Variants in SENP1 observed in about 807,000 individuals in gnomAD.
The protein encoded by SENP1 is SUMO specific peptidase 1.
SENP1 carries 21 observed loss-of-function variants against 93.0 expected under a neutral mutation model. The observed-to-expected ratio is 0.23, with a 90% CI of 0.16 to 0.33. SENP1 has a LOEUF of 0.33. SENP1 is among the 10% of genes least tolerant of loss of function. The probability of loss-of-function intolerance (pLI) is 1.00; values close to 1 mark genes in which losing one functional copy is unlikely to be tolerated. For missense variants in SENP1, 591 were observed against 758.7 expected (o/e 0.78, Z 2.60); for synonymous variants, 256 against 259.6 (o/e 0.99, Z 0.13).
intron 4 of SENP1, among the ~76,000 whole-genome samples, chr12:48,091,237 G>A (rs796647764): frequency 5.3e-5 from 8 of 152,200 alleles, no homozygotes; most frequent in African/African-American, 1.9e-4. Flanking sequence ...ATCACCTCAG[G>A]CCAGGAGTTC....
intron 8 of SENP1, among the ~76,000 whole-genome samples, chr12:48,073,637 G>A (rs550195192): frequency 2.6e-5 from 4 of 152,310 alleles, no homozygotes; most frequent in Non-Finnish European, 4.4e-5. Flanking sequence ...AATGCAAAGA[G>A]AGTGAATATT....
At chr12:48,101,378 C>T (rs2137332725) in intron 2 of SENP1, 91 bp downstream of exon 2, 2 of 985,536 alleles carry the variant, frequency 2.0e-6, no homozygotes, top group African/African-American at 1.7e-5. Flanking sequence ...CACAAAGATA[C>T]AAATACTGAA....
At chr12:48,103,203 G>A (rs887577412) in intron 1 of SENP1, among the ~76,000 whole-genome samples, 1 of 152,126 alleles carries the variant, frequency 6.6e-6, no homozygotes. Context: ...CAATTTCCTT[G>A]CATTTTGTTG....
chr12:48,049,300 G>T (rs1261163804), intron 13 of SENP1, among the ~76,000 whole-genome samples, 168 bp from the exon 14 acceptor site: 2 of 152,180 alleles, frequency 1.3e-5, no homozygotes, highest in Admixed American at 6.5e-5. Flanking sequence ...CTAGAAGGGG[G>T]AAGGCTGAAG....
At chr12:48,084,133 T>C (rs1176233392) in intron 5 of SENP1, among the ~76,000 whole-genome samples, 1 of 152,226 alleles carries the variant, frequency 6.6e-6, no homozygotes, top group African/African-American at 2.4e-5. Flanking sequence ...TTTTCTATTA[T>C]TCCCTGTACC....
intron 6 of SENP1, chr12:48,081,178 A>G (rs894759054): frequency 3.3e-5 from 5 of 152,206 alleles, no homozygotes; most frequent in Non-Finnish European, 7.3e-5. Flanking sequence ...TCTCCTCCAC[A>G]AAGTCTCTCT....
At position 48,105,977 on chromosome 12, in the gene SENP1, A is replaced by G. The variant is rs1029937235; in HGVS notation, c.-45+51T>C. ...GACCGGGTCCGACACAGTCTCCTGG[A>G]CCAGGCTCCCTCCATCCTCACCCCT... is the stretch of plus-strand genomic sequence containing the variant. On this transcript the variant is annotated intron_variant, in intron 1 of 17. Coordinates refer to ENST00000549518, the MANE Select transcript of SENP1 (RefSeq NM_001267594.2). The G allele has an allele frequency of 9.3e-5, 65 of 699,628 alleles. 3 individuals carry two copies. Among genetic ancestry groups the G allele is most frequent in the Non-Finnish European group, 1.6e-4 (63 of 384,264 alleles). 43.3% of individuals were successfully genotyped at this position (699,628 alleles called of 1,614,324 possible).
chr12:48,087,669 T>C (rs1237336154), intron 5 of SENP1, among the ~76,000 whole-genome samples: 2 of 152,198 alleles, frequency 1.3e-5, no homozygotes, highest in Admixed American at 6.5e-5. Flanking sequence ...TTCTACAATG[T>C]GAGTGTATGA....
chr12:48,058,687 T>C (rs1379568326), intron 13 of SENP1, among the ~76,000 whole-genome samples: 1 of 152,188 alleles, frequency 6.6e-6, no homozygotes, highest in African/African-American at 2.4e-5. Context: ...TATGTTGTTT[T>C]AGTTCTGCCT....
chr12:48,097,829 CTTAATT>C (rs1454168806), intron 3 of SENP1, 159 bp downstream of exon 3: 4 of 602,298 alleles, frequency 6.6e-6, no homozygotes, highest in South Asian at 5.5e-5. Flanking sequence ...ACGTCCTTGT[CTTAATT>C]TTAATATATA....
At chr12:48,080,079 T>A (rs1367608622) in intron 6 of SENP1, 2 of 152,214 alleles carry the variant, frequency 1.3e-5, no homozygotes, top group African/African-American at 4.8e-5. Context: ...GTTTTTGCCA[T>A]TTTACATTTT....
chr12:48,086,357 C>T (rs867165929), intron 5 of SENP1, among the ~76,000 whole-genome samples: 128 of 152,280 alleles, frequency 8.4e-4, no homozygotes, highest in African/African-American at 3.0e-3. Context: ...ATTTCATTAA[C>T]TCTAATAAAA....
chr12:48,100,936 TAC>T (rs1256955085), intron 2 of SENP1, among the ~76,000 whole-genome samples: 1 of 152,224 alleles, frequency 6.6e-6, no homozygotes. Context: ...ACTTTTTCAA[TAC>T]AATCAATGAG....
At chr12:48,094,602 C>T (rs765878341) in intron 4 of SENP1, among the ~76,000 whole-genome samples, 71 of 152,176 alleles carry the variant, frequency 4.7e-4, no homozygotes, top group South Asian at 1.9e-3. Flanking sequence ...ATTGCTTGAA[C>T]CCAGGAGGCG....
intron 10 of SENP1, among the ~76,000 whole-genome samples, 160 bp from the exon 11 acceptor site, chr12:48,065,840 TA>T (rs1943260053): frequency 6.6e-6 from 1 of 152,202 alleles, no homozygotes; most frequent in African/African-American, 2.4e-5. Flanking sequence ...TGAAACCACA[TA>T]ATGTTACTGA....
chr12:48,048,669 T>C (rs546508290), intron 14 of SENP1, among the ~76,000 whole-genome samples: 1 of 152,316 alleles, frequency 6.6e-6, no homozygotes, highest in African/African-American at 2.4e-5. Context: ...TTTTCCCCCA[T>C]GCCTTCCTTT....
chr12:48,098,063 G>A lies in SENP1; in HGVS notation c.66C>T (p.Ser22=), dbSNP rs781393466. The A allele has an allele frequency of 4.3e-6, 7 of 1,613,498 alleles. No homozygotes were observed. Among genetic ancestry groups the A allele is most frequent in the South Asian group, 1.1e-5 (1 of 90,962 alleles). Reference sequence around the variant, plus strand: ...GTGGCAGGAGGTGGGTTTTGAATACGGAGTTGTGGTTCACTAAAGTCACTT... The same window carrying A: ...GTGGCAGGAGGTGGGTTTTGAATACAGAGTTGTGGTTCACTAAAGTCACTT... ...AGEVTLVNHN[S]VFKTHLLPQT... The change falls in exon 3 of 18, where the codon TCC becomes TCT. Residue 22 remains serine (S), a synonymous_variant. Coordinates refer to ENST00000549518, the MANE Select transcript of SENP1 (RefSeq NM_001267594.2).
intron 12 of SENP1, 89 bp from the exon 13 acceptor site, chr12:48,063,930 A>G: frequency 1.7e-6 from 2 of 1,205,910 alleles, no homozygotes; most frequent in Non-Finnish European, 2.3e-6. Context: ...TCCTCAGACT[A>G]TATTTATCAC....
chr12:48,063,918 A>C, intron 12 of SENP1, 77 bp from the exon 13 acceptor site: 3 of 1,303,910 alleles, frequency 2.3e-6, no homozygotes, highest in Non-Finnish European at 3.2e-6. Context: ...AACCCCATAT[A>C]ATCCTCAGAC....
Sources: gnomAD v4.1 joint callset for allele counts (sites outside exome capture counted in the v4.1 genomes callset) on GRCh38, gnomAD v4.1.1 for gene constraint, MANE v1.5 for transcripts, NCBI Gene and HGNC (gene_info 2026-07-23, HGNC 2026-07-21) for gene names.